CDKAL1: variants seen among roughly 807,000 people sequenced by gnomAD.
CDKAL1 encodes CDKAL1 threonylcarbamoyladenosine tRNA methylthiotransferase, also known as threonylcarbamoyladenosine tRNA methylthiotransferase.
A neutral mutation model predicts 68.2 loss-of-function variants in CDKAL1; 32 were observed. The ratio of observed to expected loss-of-function variants is 0.47; its 90% CI spans 0.35 to 0.63. The LOEUF (loss-of-function observed/expected upper bound fraction) is 0.63, where lower values mean the gene tolerates loss of function less well. Among genes scored for constraint, CDKAL1 ranks in the 30% least tolerant of loss-of-function variants. The pLI is 0.00. For synonymous variants in CDKAL1, 234 were observed against 244.3 expected (o/e 0.96, Z 0.39); for missense variants, 606 against 696.7 (o/e 0.87, Z 1.47).
At chr6:20,809,809 C>T (rs2150418800) in intron 8 of CDKAL1, among the ~76,000 whole-genome samples, 1 of 152,240 alleles carries the variant, frequency 6.6e-6, no homozygotes, top group East Asian at 1.9e-4. Context: ...TGTATCCTGA[C>T]TTTTTATTGT....
intron 8 of CDKAL1, among the ~76,000 whole-genome samples, chr6:20,786,494 CTTTTTTTTTTT>C (rs1197574844): frequency 2.5e-5 from 2 of 80,774 alleles, no homozygotes; most frequent in East Asian, 8.8e-4. Flanking sequence ...TTTTTCTTAT[CTTTTTTTTTTT>C]TTTTTTTTTT....
rs372991111 is a variant in CDKAL1 at position 21,092,218 on chromosome 6, T to C, written c.1237-16183T>C. ...GAACTTTCAATCAGCTTTTTTTTTT[T>C]CTGGGTCGGGGGGGCGGGGTTTAGA... On this transcript the variant is annotated intron_variant, in intron 12 of 15. Transcript: ENST00000274695. Among the ~76,000 whole-genome samples, 37 of 137,260 alleles carry C rather than the reference T, an allele frequency of 2.7e-4. 1 individual carries two copies. In the East Asian group the frequency reaches 6.6e-3, roughly 24 times the overall value. The allele number at this position is 137,260 out of a possible 152,430, so 90.0% of individuals were successfully genotyped here. A position where few individuals can be genotyped will look rare whatever the true frequency, so the allele number is the denominator to read the frequency against.
At chr6:20,873,143 C>T (rs1333972375) in intron 9 of CDKAL1, among the ~76,000 whole-genome samples, 1 of 151,970 alleles carries the variant, frequency 6.6e-6, no homozygotes, top group African/African-American at 2.4e-5. Flanking sequence ...GGAGTAAAAG[C>T]TGAAGAGGGG....
intron 12 of CDKAL1, among the ~76,000 whole-genome samples, chr6:21,080,521 T>G (rs531335502): frequency 2.0e-5 from 3 of 152,276 alleles, no homozygotes. Context: ...ACAGGTAATA[T>G]CTTTTTTAAG....
chr6:20,921,505 G>C (rs999858347), intron 9 of CDKAL1, among the ~76,000 whole-genome samples: 1 of 152,148 alleles, frequency 6.6e-6, no homozygotes, highest in Admixed American at 6.5e-5. Flanking sequence ...TGGCTATCCA[G>C]GTTTATTTTA....
At chr6:21,129,583 A>C (rs1295472249) in intron 13 of CDKAL1, among the ~76,000 whole-genome samples, 2 of 150,130 alleles carry the variant, frequency 1.3e-5, no homozygotes. Flanking sequence ...ATGTGTGTAG[A>C]CTCAGCAGCA....
At chr6:21,087,374 C>A (rs144209058) in intron 12 of CDKAL1, among the ~76,000 whole-genome samples, 3 of 152,150 alleles carry the variant, frequency 2.0e-5, no homozygotes, top group Non-Finnish European at 4.4e-5. Context: ...TTCTGTCTCC[C>A]AGGCTGGAGT....
At chr6:20,931,538 T>G (rs1375630704) in intron 9 of CDKAL1, among the ~76,000 whole-genome samples, 1 of 152,210 alleles carries the variant, frequency 6.6e-6, no homozygotes, top group African/African-American at 2.4e-5. Flanking sequence ...GCAATTAAGT[T>G]CTTTCCAAAA....
At chr6:20,970,045 A>G (rs150280967) in intron 10 of CDKAL1, among the ~76,000 whole-genome samples, 1 of 151,986 alleles carries the variant, frequency 6.6e-6, no homozygotes, top group African/African-American at 2.4e-5. Context: ...TTTTTGACAA[A>G]TGTCTTTGGG....
chr6:21,102,220 TTC>T (rs1234330758), intron 12 of CDKAL1, among the ~76,000 whole-genome samples: 2 of 152,198 alleles, frequency 1.3e-5, no homozygotes, highest in Non-Finnish European at 2.9e-5. Flanking sequence ...GTGGAGTCAG[TTC>T]TTTTACCGTG....
At chr6:21,120,539 T>G (rs964514045) in intron 13 of CDKAL1, among the ~76,000 whole-genome samples, 1 of 152,210 alleles carries the variant, frequency 6.6e-6, no homozygotes, top group African/African-American at 2.4e-5. Context: ...TGTAACCTTA[T>G]CCTAGAGACC....
intron 8 of CDKAL1, among the ~76,000 whole-genome samples, chr6:20,810,197 T>G (rs1776735353): frequency 6.6e-6 from 1 of 152,146 alleles, no homozygotes; most frequent in Non-Finnish European, 1.5e-5. Context: ...GCAGCAATTA[T>G]CAACTCATGG....
chr6:20,741,298 T>C (rs1773446624), intron 6 of CDKAL1, among the ~76,000 whole-genome samples: 1 of 152,104 alleles, frequency 6.6e-6, no homozygotes, highest in Non-Finnish European at 1.5e-5. Flanking sequence ...CACACCTTTG[T>C]TGTTCTGTGG....
intron 2 of CDKAL1, among the ~76,000 whole-genome samples, chr6:20,545,441 T>C (rs1014824540): frequency 6.6e-6 from 1 of 152,132 alleles, no homozygotes; most frequent in Non-Finnish European, 1.5e-5. Context: ...TTAATCTATT[T>C]TTTCTTCTTT....
chr6:20,802,793 C>G (rs1011310050), intron 8 of CDKAL1, among the ~76,000 whole-genome samples: 2 of 152,178 alleles, frequency 1.3e-5, no homozygotes, highest in African/African-American at 4.8e-5. Context: ...AAATCTGACC[C>G]TGAAGGCCAG....
chr6:20,797,508 C>T (rs957129402), intron 8 of CDKAL1, among the ~76,000 whole-genome samples: 3 of 152,106 alleles, frequency 2.0e-5, no homozygotes, highest in South Asian at 2.1e-4. Flanking sequence ...GAAATGAAAA[C>T]GTAAGTTCAC....
chr6:20,753,952 T>C (rs915673361), intron 6 of CDKAL1, among the ~76,000 whole-genome samples: 1 of 127,470 alleles, frequency 7.8e-6, no homozygotes, highest in African/African-American at 3.1e-5. Flanking sequence ...CTCGTTATTA[T>C]CTGTATGTGT....
In CDKAL1 at chr6:20,798,515, A is replaced by G. The variant is rs149685540; in HGVS notation, c.638+17250A>G. 1.9e-3 allele frequency among the ~76,000 whole-genome samples: 286 copies of G among 152,236 alleles called. 1 individual carries two copies. The highest frequency in any genetic ancestry group is 6.3e-3 in the African/African-American group (263 of 41,540). On this transcript the variant is annotated intron_variant, in intron 8 of 15. Transcript: ENST00000274695. ...ATAGCAAAGACTTGGAACCAACCCA[A>G]ATGTCCATCAATGATAGACTGGTTT...
intron 7 of CDKAL1, among the ~76,000 whole-genome samples, chr6:20,765,052 T>G (rs1393563454): frequency 2.0e-5 from 3 of 152,184 alleles, no homozygotes; most frequent in African/African-American, 7.2e-5. Context: ...TGAGCCTGTT[T>G]GTTTTAAGTT....
Sources: allele counts gnomAD v4.1 joint callset (sites outside exome capture counted in the v4.1 genomes callset), GRCh38; gene constraint gnomAD v4.1.1; transcripts MANE v1.5; gene names NCBI Gene and HGNC (gene_info 2026-07-23, HGNC 2026-07-21).